Variants in ACOT7 observed in about 807,000 individuals in gnomAD.
The protein encoded by ACOT7 is acyl-CoA thioesterase 7, also known as cytosolic acyl coenzyme A thioester hydrolase.
In ACOT7, 12 loss-of-function variants were observed where a neutral mutation model predicts 40.2. That is an observed-to-expected ratio of 0.30 (90% CI 0.19 to 0.48). The LOEUF is 0.48. Ranked by LOEUF, ACOT7 falls within the 20% of genes least tolerant of loss-of-function variation. The pLI, the probability that ACOT7 is intolerant of heterozygous loss-of-function variation, is 0.99. For synonymous variants in ACOT7, 228 were observed against 219.5 expected, an observed-to-expected ratio of 1.04 and a Z score of -0.34; for missense variants, 395 against 530.8, an observed-to-expected ratio of 0.74 and a Z score of 2.51.
rs1435165352 is a variant in ACOT7 at position 6,274,460 on chromosome 1, C to T, written c.1014+6642G>A. Among the ~76,000 whole-genome samples the T allele has an allele frequency of 6.6e-6, 1 of 152,216 alleles. No individual in the cohort carries two copies. Among genetic ancestry groups the T allele is most frequent in the Non-Finnish European group, 1.5e-5 (1 of 68,038 alleles). ...AGCAGGTCAAACAGTGCCCTCCTTC[C>T]GGACGCTCCAGCCCATGCCACGCTG... On this transcript the variant is annotated intron_variant, in intron 8 of 8. Transcript: ENST00000361521. The surrounding 1 kb of genome is among the most constrained non-coding windows in gnomAD (Gnocchi z 5.9).
chr1:6,390,501 G>A (rs1642515632), intron 1 of ACOT7, among the ~76,000 whole-genome samples: 2 of 152,154 alleles, frequency 1.3e-5, no homozygotes, highest in African/African-American at 2.4e-5. Context: ...GAACAAAGGA[G>A]GCAGAGGTTG....
Position 6,359,176 on chromosome 1 carries a change from A to G in ACOT7, c.144-9310T>C, listed in dbSNP as rs562601253. ...GCTGAGCGGCCTCAGGGAAGCGGCT[A>G]TGAGGCTCTGCCTTCTCTGACAGGG... On this transcript the variant is annotated intron_variant, in intron 1 of 8. Transcript: ENST00000361521. This position sits in a 1 kb window ranked among gnomAD's most constrained non-coding sequence, Gnocchi z 4.1. 224 of 252,206 alleles carry G rather than the reference A, an allele frequency of 8.9e-4. No individual in the cohort carries two copies. The highest frequency in any genetic ancestry group is 4.7e-3 in the African/African-American group (210 of 44,378). The allele number at this position is 252,206 out of a possible 1,614,324, so 15.6% of individuals were successfully genotyped here.
intron 1 of ACOT7, among the ~76,000 whole-genome samples, chr1:6,384,664 G>A (rs1028390969): frequency 4.0e-5 from 6 of 151,672 alleles, no homozygotes; most frequent in East Asian, 1.9e-4. Flanking sequence ...GCGCTAACCC[G>A]CTAATCCTCC....
At chr1:6,351,029 G>A (rs1007765693) in intron 1 of ACOT7, among the ~76,000 whole-genome samples, 9 of 152,322 alleles carry the variant, frequency 5.9e-5, no homozygotes, top group East Asian at 3.9e-4. Context: ...TAGTCCACAC[G>A]TTAACTAGGA....
intron 2 of ACOT7, among the ~76,000 whole-genome samples, chr1:6,349,044 C>T (rs1042907333): frequency 5.9e-5 from 9 of 152,172 alleles, no homozygotes; most frequent in African/African-American, 2.2e-4. Flanking sequence ...AGGCAGACGC[C>T]CTGTCCTCAG....
At chr1:6,348,816 C>G (rs893867020) in intron 2 of ACOT7, among the ~76,000 whole-genome samples, 8 of 152,210 alleles carry the variant, frequency 5.3e-5, no homozygotes, top group African/African-American at 1.9e-4. Context: ...CAGTGTGGCT[C>G]AGAGCTCACA....
chr1:6,334,167 G>A (rs1405110965), intron 3 of ACOT7, among the ~76,000 whole-genome samples: 3 of 152,206 alleles, frequency 2.0e-5, no homozygotes, highest in South Asian at 2.1e-4. Flanking sequence ...CGTTCTGCCC[G>A]GGGACACGAG....
In ACOT7 at chr1:6,355,376, A is replaced by G. The variant is rs1016160522; in HGVS notation, c.144-5510T>C. Among the ~76,000 whole-genome samples, 1 of 152,320 alleles carries G rather than the reference A, an allele frequency of 6.6e-6. No homozygotes were observed. Among genetic ancestry groups the G allele is most frequent in the Non-Finnish European group, 1.5e-5 (1 of 68,036 alleles). On this transcript the variant is annotated intron_variant, in intron 1 of 8. Coordinates refer to ENST00000361521, the MANE Select transcript of ACOT7 (RefSeq NM_007274.4). The surrounding 1 kb of genome is among the most constrained non-coding windows in gnomAD (Gnocchi z 5.0). ...TGCACAGCCGTGTATAACGCAGGAC[A>G]TGGGCCAGCGCCGAGATGTCCACAT...
intron 8 of ACOT7, among the ~76,000 whole-genome samples, chr1:6,271,804 G>A (rs547166022): frequency 5.9e-5 from 9 of 152,374 alleles, no homozygotes; most frequent in East Asian, 5.8e-4. Flanking sequence ...CAGCAGCACC[G>A]GCTCAGACTC....
rs1639759820 is a variant in ACOT7 at position 6,294,543 on chromosome 1, T to C, written c.829+321A>G. 6.6e-6 allele frequency among the ~76,000 whole-genome samples: 1 copy of C among 152,242 alleles called. No homozygotes were observed. On this transcript the variant is annotated intron_variant, in intron 7 of 8. Coordinates refer to ENST00000361521, the MANE Select transcript of ACOT7 (RefSeq NM_007274.4). The surrounding 1 kb of genome is among the most constrained non-coding windows in gnomAD (Gnocchi z 4.6). ...AAATGAAATGTGCTGCCATGAGGTT[T>C]GGTGTCCAGGGTCGTGGCAGCTGCA...
chr1:6,333,827 G>A (rs899470949), intron 3 of ACOT7, among the ~76,000 whole-genome samples: 6 of 152,054 alleles, frequency 3.9e-5, no homozygotes, highest in Admixed American at 2.6e-4. Flanking sequence ...GAGAGGCTGC[G>A]TGGGGCCCAC....
chr1:6,378,792 G>C (rs948375639), intron 1 of ACOT7, among the ~76,000 whole-genome samples: 1 of 151,940 alleles, frequency 6.6e-6, no homozygotes, highest in Non-Finnish European at 1.5e-5. Context: ...CGAGGGCAGG[G>C]GCTGGTGTTC....
intron 1 of ACOT7, among the ~76,000 whole-genome samples, chr1:6,387,327 A>T (rs1476268737): frequency 6.6e-6 from 1 of 152,196 alleles, no homozygotes; most frequent in Non-Finnish European, 1.5e-5. Flanking sequence ...AAGCTGGTTT[A>T]AAAAAGCAAA....
intron 1 of ACOT7, among the ~76,000 whole-genome samples, chr1:6,368,883 C>A (rs984006468): frequency 6.6e-6 from 1 of 152,178 alleles, no homozygotes; most frequent in African/African-American, 2.4e-5. Context: ...CTGCACCTGG[C>A]GTGAGGGCAG....
intron 8 of ACOT7, among the ~76,000 whole-genome samples, chr1:6,269,051 G>A (rs1387023495): frequency 6.6e-6 from 1 of 152,192 alleles, no homozygotes; most frequent in Admixed American, 6.5e-5. Flanking sequence ...TTAGGGCGCG[G>A]CAGGCTGTGC....
chr1:6,309,201 C>G (rs1241742598), intron 6 of ACOT7, among the ~76,000 whole-genome samples: 1 of 152,228 alleles, frequency 6.6e-6, no homozygotes, highest in Non-Finnish European at 1.5e-5. Flanking sequence ...ATTCTGCAAA[C>G]CAGGTGCCAG....
At chr1:6,348,450 C>T (rs1445137967) in intron 2 of ACOT7, among the ~76,000 whole-genome samples, 4 of 152,180 alleles carry the variant, frequency 2.6e-5, no homozygotes, top group African/African-American at 9.7e-5. Context: ...TCCCCACCTC[C>T]CAAAATCCCT....
At chr1:6,351,027 A>G (rs1192979640) in intron 1 of ACOT7, among the ~76,000 whole-genome samples, 1 of 152,230 alleles carries the variant, frequency 6.6e-6, no homozygotes, top group Admixed American at 6.5e-5. Flanking sequence ...GATAGTCCAC[A>G]CGTTAACTAG....
Position 6,264,366 on chromosome 1 carries a change from C to A in ACOT7, c.*231G>T. ...TCCCGAGGGTTTCTGCCCAACGCCT[C>A]CCGGCGCTCGGGACAACACTGTGTA... On this transcript the variant is annotated 3_prime_UTR_variant, in exon 9 of 9. Transcript: ENST00000361521. 1.9e-6 allele frequency: 1 copy of A among 517,916 alleles called. No homozygotes were observed. Among genetic ancestry groups the A allele is most frequent in the East Asian group, 3.4e-5 (1 of 29,326 alleles). The allele number at this position is 517,916 out of a possible 1,614,324, so 32.1% of individuals were successfully genotyped here.
Sources: allele counts gnomAD v4.1 joint callset (sites outside exome capture counted in the v4.1 genomes callset), GRCh38; gene constraint gnomAD v4.1.1; non-coding constraint Gnocchi (gnomAD v3.1); transcripts MANE v1.5; gene names NCBI Gene and HGNC (gene_info 2026-07-23, HGNC 2026-07-21).